Variants in FBP2 observed in about 807,000 individuals in gnomAD.
FBP2 encodes the protein fructose-bisphosphatase 2, also known as fructose-1,6-bisphosphatase isozyme 2.
FBP2 carries 27 observed loss-of-function variants against 31.6 expected under a neutral mutation model. The observed-to-expected ratio is 0.85, with a 90% CI of 0.63 to 1.18. The LOEUF is 1.18. Ranked by LOEUF, FBP2 falls within the 50% of genes most tolerant of loss-of-function variation. The pLI, the probability that FBP2 is intolerant of heterozygous loss-of-function variation, is 0.00. For missense variants in FBP2, 421 were observed against 436.1 expected, an observed-to-expected ratio of 0.97 and a Z score of 0.31; for synonymous variants, 168 against 179.8, an observed-to-expected ratio of 0.93 and a Z score of 0.53.
At position 94,558,906 on chromosome 9, in the gene FBP2, C is replaced by G; in HGVS notation, c.*32G>C. On this transcript the variant is annotated 3_prime_UTR_variant, in exon 7 of 7. Coordinates refer to ENST00000375337, the MANE Select transcript of FBP2 (RefSeq NM_003837.4). ...TAGGGTCCTTAGACAAGGTGCAAGA[C>G]AAACAGAAGAGGGCATGTGGGGTCA... 1 of 1,606,882 alleles carries G rather than the reference C, an allele frequency of 6.2e-7. No homozygotes were observed. Among genetic ancestry groups the G allele is most frequent in the Non-Finnish European group, 8.5e-7 (1 of 1,173,562 alleles).
rs777484972 is a variant in FBP2, at chr9:94,563,464, A to G, written c.706-3T>C. 9.9e-6 allele frequency: 16 copies of G among 1,612,372 alleles called. No homozygotes were observed. Among genetic ancestry groups the G allele is most frequent in the Admixed American group, 3.3e-5 (2 of 59,820 alleles). On this transcript the variant is annotated splice_region_variant and splice_polypyrimidine_tract_variant and intron_variant, in intron 5 of 6. Coordinates refer to ENST00000375337, the MANE Select transcript of FBP2 (RefSeq NM_003837.4). ...GCCCCATAGGGAGCACTGCCATCCT[A>G]GAAGACAGAAAGCGAAGAGACAAGA...
Position 94,582,986 on chromosome 9 carries a change from A to T in FBP2, c.426+1591T>A, listed in dbSNP as rs1030574421. On this transcript the variant is annotated intron_variant, in intron 3 of 6. Coordinates refer to ENST00000375337, the MANE Select transcript of FBP2 (RefSeq NM_003837.4). The stretch of plus-strand genomic sequence containing the variant: ...CTCCTGTCTCAGCCTCCTGAGTAGC[A>T]GGGATTATAGGCGCCCGCCACTATG... Among the ~76,000 whole-genome samples the T allele has an allele frequency of 4.0e-5, 6 of 150,338 alleles. 1 individual carries two copies. Among genetic ancestry groups the T allele is most frequent in the Non-Finnish European group, 7.4e-5 (5 of 67,674 alleles).
chr9:94,559,284 T>C, intron 6 of FBP2, 152 bp from the exon 7 acceptor site: 1 of 661,806 alleles, frequency 1.5e-6, no homozygotes, highest in Non-Finnish European at 2.5e-6. Flanking sequence ...GCCCGAGCTT[T>C]AGAGCCTACA....
At chr9:94,584,785 A>G in intron 2 of FBP2, 116 bp from the exon 3 acceptor site, 1 of 675,588 alleles carries the variant, frequency 1.5e-6, no homozygotes, top group Admixed American at 2.4e-5. Context: ...TGAGAACCAC[A>G]GCATATCTTT....
At chr9:94,582,916 G>A (rs1007784798) in intron 3 of FBP2, among the ~76,000 whole-genome samples, 3 of 142,350 alleles carry the variant, frequency 2.1e-5, no homozygotes, top group Admixed American at 1.5e-4. Flanking sequence ...GTGCAATGGC[G>A]CAATCTCAGC....
chr9:94,587,246 C>T (rs1405396519), intron 2 of FBP2, 61 bp downstream of exon 2: 9 of 1,447,856 alleles, frequency 6.2e-6, no homozygotes, highest in Admixed American at 4.5e-5. Context: ...AGTAAGGCAG[C>T]TTATTTCCGG....
chr9:94,581,294 G>A (rs927125040), intron 3 of FBP2, among the ~76,000 whole-genome samples: 1 of 152,184 alleles, frequency 6.6e-6, no homozygotes, highest in African/African-American at 2.4e-5. Context: ...CCAAATCCAG[G>A]ACGGACACAG....
intron 3 of FBP2, chr9:94,573,012 C>T (rs894818858): frequency 1.3e-5 from 2 of 152,134 alleles, no homozygotes; most frequent in African/African-American, 2.4e-5. Flanking sequence ...ACCATCATGT[C>T]GTCTGCAAGA....
At chr9:94,590,544 C>T (rs632506) in intron 1 of FBP2, among the ~76,000 whole-genome samples, 39,532 of 152,012 alleles carry the variant, frequency 0.26, 6,493 homozygotes, top group East Asian at 0.56. Flanking sequence ...TGTTACAGCT[C>T]TTAAGGTGGC....
chr9:94,561,215 T>C (rs908335321), intron 6 of FBP2, among the ~76,000 whole-genome samples: 7 of 152,178 alleles, frequency 4.6e-5, no homozygotes, highest in Non-Finnish European at 4.4e-5. Context: ...AGCTCAGCAT[T>C]AGTACCTAAT....
chr9:94,593,422 G>A, intron 1 of FBP2, 135 bp downstream of exon 1: 4 of 749,098 alleles, frequency 5.3e-6, no homozygotes, highest in Non-Finnish European at 7.9e-6. Flanking sequence ...ATAGGAACTT[G>A]AAATGCAGCT....
chr9:94,561,838 G>C (rs1216693737), intron 6 of FBP2, among the ~76,000 whole-genome samples: 2 of 152,168 alleles, frequency 1.3e-5, no homozygotes, highest in Non-Finnish European at 1.5e-5. Context: ...CAGTATGGGT[G>C]GTGGTTATGC....
At chr9:94,564,050 C>T (rs1236831572) in intron 5 of FBP2, among the ~76,000 whole-genome samples, 1 of 152,180 alleles carries the variant, frequency 6.6e-6, no homozygotes, top group East Asian at 1.9e-4. Context: ...TGGCAGACTT[C>T]AACACCTCAC....
intron 3 of FBP2, among the ~76,000 whole-genome samples, chr9:94,574,907 G>A (rs567133961): frequency 1.3e-5 from 2 of 152,216 alleles, no homozygotes; most frequent in Admixed American, 1.3e-4. Context: ...ACCTTTCTCA[G>A]TAAATTTTAT....
rs769507769 is a variant in FBP2, at chr9:94,563,385, C to G, written c.782G>C (p.Gly261Ala). The G allele has an allele frequency of 1.2e-6, 2 of 1,614,116 alleles. No individual in the cohort carries two copies. Among genetic ancestry groups the G allele is most frequent in the African/African-American group, 2.7e-5 (2 of 75,034 alleles). Reference protein sequence around the residue: ...ADVHRTLVYGGIFLYPANQKS... With the variant: ...ADVHRTLVYGAIFLYPANQKS... The stretch of plus-strand genomic sequence containing the variant: ...CTGGTTGGCTGGGTACAGGAAGATT[C>G]CTCCATAGACCAGGGTGCGGTGCAC... The change falls in exon 6 of 7, where the codon GGA (glycine) becomes GCA (alanine). Residue 261 changes from glycine to alanine, a missense_variant. Gly to Ala is a moderately conservative substitution (Grantham distance 60). Transcript: ENST00000375337.
intron 3 of FBP2, among the ~76,000 whole-genome samples, chr9:94,579,071 G>A (rs13297617): frequency 1.1e-5 from 1 of 87,220 alleles, no homozygotes; most frequent in Non-Finnish European, 2.1e-5. Context: ...AAAAAAAAAG[G>A]TTATTTTAAA....
intron 3 of FBP2, among the ~76,000 whole-genome samples, chr9:94,582,783 C>T (rs191384866): frequency 5.9e-4 from 89 of 151,284 alleles, no homozygotes; most frequent in African/African-American, 2.0e-3. Context: ...CTCCTGACCT[C>T]GTGATTCGCC....
At chr9:94,577,641 T>C (rs1169555382) in intron 3 of FBP2, 1 of 152,178 alleles carries the variant, frequency 6.6e-6, no homozygotes, top group Non-Finnish European at 1.5e-5. Flanking sequence ...GGAAAAGATT[T>C]AAAAAGAAAA....
chr9:94,567,129 C>A (rs1406629439), intron 5 of FBP2, 141 bp downstream of exon 5: 28 of 722,744 alleles, frequency 3.9e-5, no homozygotes, highest in Non-Finnish European at 5.6e-5. Flanking sequence ...TGAAGAAAGG[C>A]AGAGTCCATC....
Sources: gnomAD v4.1 joint callset for allele counts (sites outside exome capture counted in the v4.1 genomes callset) on GRCh38, gnomAD v4.1.1 for gene constraint, MANE v1.5 for transcripts, NCBI Gene and HGNC (gene_info 2026-07-23, HGNC 2026-07-21) for gene names.